KALRN: variants seen among roughly 807,000 people sequenced by gnomAD.
KALRN encodes kalirin.
Under a neutral mutation model 353.7 loss-of-function variants are expected in KALRN, and 70 were observed. The observed-to-expected ratio is 0.20, with a 90% CI of 0.16 to 0.24. The LOEUF (loss-of-function observed/expected upper bound fraction) is 0.24, where lower values mean the gene tolerates loss of function less well. Ranked by LOEUF, KALRN falls within the 10% of genes least tolerant of loss-of-function variation. The pLI, the probability that KALRN is intolerant of heterozygous loss-of-function variation, is 1.00. For synonymous variants in KALRN, 1,391 were observed against 1,434.8 expected (o/e 0.97, Z 0.69); for missense variants, 2,791 against 3,756.7 (o/e 0.74, Z 6.72).
intron 34 of KALRN, among the ~76,000 whole-genome samples, chr3:124,632,105 T>C (rs1375410785): frequency 6.6e-6 from 1 of 152,230 alleles, no homozygotes; most frequent in Non-Finnish European, 1.5e-5. Context: ...GTCATACTTT[T>C]CATTTTGCTT....
At chr3:124,349,548 A>G (rs1018802466) in intron 10 of KALRN, among the ~76,000 whole-genome samples, 1 of 152,172 alleles carries the variant, frequency 6.6e-6, no homozygotes, top group African/African-American at 2.4e-5. Context: ...AAAAGATTGG[A>G]CACCCCTGGT....
Position 124,413,632 on chromosome 3 carries a change from C to T in KALRN, c.2509C>T (p.Leu837=). Residue 837 remains leucine, a synonymous_variant, in exon 14 of 60, where the codon CTG becomes TTG. Coordinates refer to ENST00000682506, the MANE Select transcript of KALRN (RefSeq NM_001388419.1). ...TFEVIQQGQD[L]HQYITEVQAS... is the part of the protein sequence containing the mutation. ...TGAGGTTATCCAGCAGGGACAGGAT[C>T]TGCACCAGTACATCACGGAGGTCCA... is the stretch of plus-strand genomic sequence containing the variant. The T allele has an allele frequency of 6.2e-7, 1 of 1,614,148 alleles. No homozygotes were observed. Among genetic ancestry groups the T allele is most frequent in the Non-Finnish European group, 8.5e-7 (1 of 1,180,006 alleles).
At chr3:124,496,234 C>A in intron 32 of KALRN, 77 bp from the exon 33 acceptor site, 1 of 1,092,256 alleles carries the variant, frequency 9.2e-7, no homozygotes, top group Non-Finnish European at 1.4e-6. Context: ...CCCACCCAAC[C>A]GGAAATCCTT....
intron 59 of KALRN, among the ~76,000 whole-genome samples, chr3:124,718,521 G>A (rs2150841161): frequency 6.6e-6 from 1 of 152,268 alleles, no homozygotes; most frequent in South Asian, 2.1e-4. Flanking sequence ...GACATCTGGT[G>A]TGAGAGAAGG....
chr3:124,418,816 G>C (rs1434882740), intron 14 of KALRN, among the ~76,000 whole-genome samples: 1 of 152,164 alleles, frequency 6.6e-6, no homozygotes, highest in Non-Finnish European at 1.5e-5. Flanking sequence ...TTTTCCAGTG[G>C]TTCATAATCT....
At chr3:124,107,712 T>C (rs189260783) in intron 1 of KALRN, among the ~76,000 whole-genome samples, 84 of 152,218 alleles carry the variant, frequency 5.5e-4, no homozygotes, top group Non-Finnish European at 4.1e-4. Context: ...AGGCAGCACA[T>C]ACATAGCAGG....
Position 124,477,848 on chromosome 3 carries a change from A to G in KALRN, c.4191+514A>G, listed in dbSNP as rs529752940. Among the ~76,000 whole-genome samples the G allele has an allele frequency of 6.6e-5, 10 of 152,210 alleles. No individual in the cohort carries two copies. In the South Asian group the frequency reaches 1.9e-3, roughly 28 times the overall value. ...ATTCAACCTTTTTTGGAAAAAAAAA[A>G]CTGATATCTGAATCCCATGCCTGAG... On this transcript the variant is annotated intron_variant, in intron 27 of 59. Coordinates refer to ENST00000682506, the MANE Select transcript of KALRN (RefSeq NM_001388419.1).
At chr3:124,618,086 C>CTTTTTTTTTTTTTTTTTT (rs71145464) in intron 34 of KALRN, among the ~76,000 whole-genome samples, 3 of 63,336 alleles carry the variant, frequency 4.7e-5, no homozygotes, top group Non-Finnish European at 5.5e-5. Context: ...GTGCAGAAAT[C>CTTTTTTTTTTTTTTTTTT]TTTTTTTTTT....
chr3:124,531,332 G>C (rs914987684), intron 33 of KALRN, among the ~76,000 whole-genome samples: 12 of 152,090 alleles, frequency 7.9e-5, no homozygotes, highest in Admixed American at 2.6e-4. Context: ...TTTATATTTT[G>C]GCTTTAACTC....
chr3:124,395,618 G>C (rs2090064670), intron 12 of KALRN: 2 of 406,766 alleles, frequency 4.9e-6, no homozygotes, highest in Admixed American at 4.1e-5. Context: ...ATTAACAAAA[G>C]ACAAAAAAAA....
At chr3:124,273,309 A>G (rs2074360800) in intron 5 of KALRN, among the ~76,000 whole-genome samples, 2 of 152,176 alleles carry the variant, frequency 1.3e-5, no homozygotes, top group Admixed American at 6.5e-5. Flanking sequence ...TCATAAAGCA[A>G]GTCACTCATT....
chr3:124,462,906 A>C (rs1309176166), intron 25 of KALRN, among the ~76,000 whole-genome samples: 4 of 152,222 alleles, frequency 2.6e-5, no homozygotes, highest in Non-Finnish European at 5.9e-5. Context: ...GCTTTGAAGA[A>C]ATAAAAGTAG....
At chr3:124,607,176 A>G (rs2077433895) in intron 34 of KALRN, among the ~76,000 whole-genome samples, 1 of 152,246 alleles carries the variant, frequency 6.6e-6, no homozygotes, top group South Asian at 2.1e-4. Flanking sequence ...TAGGGGAATG[A>G]TTGTGGTATA....
At chr3:124,373,257 T>C (rs478131) in intron 10 of KALRN, among the ~76,000 whole-genome samples, 28,902 of 152,114 alleles carry the variant, frequency 0.19, 2,841 homozygotes, top group Middle Eastern at 0.23. Flanking sequence ...ATGGTGGTTC[T>C]CAACTGGAAG....
chr3:124,607,909 G>A (rs116835302), intron 34 of KALRN, among the ~76,000 whole-genome samples: 2,107 of 151,952 alleles, frequency 0.014, 52 homozygotes, highest in African/African-American at 0.047. Context: ...CTCCACAGCT[G>A]GTTCAGTTTT....
intron 36 of KALRN, 99 bp downstream of exon 36, chr3:124,634,052 A>G (rs2081082879): frequency 7.0e-6 from 6 of 858,540 alleles, no homozygotes; most frequent in Non-Finnish European, 1.1e-5. Context: ...CTCCCATGTT[A>G]TCTCGTCGTC....
chr3:124,061,333 A>G (rs1043567460), intron 1 of KALRN, among the ~76,000 whole-genome samples: 1 of 152,160 alleles, frequency 6.6e-6, no homozygotes, highest in Non-Finnish European at 1.5e-5. Flanking sequence ...TTTTCATAAT[A>G]ACTCCATTTT....
intron 34 of KALRN, among the ~76,000 whole-genome samples, chr3:124,596,480 AC>A (rs1180240413): frequency 2.8e-4 from 42 of 152,242 alleles, no homozygotes; most frequent in African/African-American, 8.7e-4. Flanking sequence ...AAACAAACAA[AC>A]AAAAAAACCC....
intron 6 of KALRN, among the ~76,000 whole-genome samples, chr3:124,320,324 C>A (rs1387389079): frequency 6.6e-6 from 1 of 152,162 alleles, no homozygotes; most frequent in East Asian, 1.9e-4. Context: ...GGTGATCACA[C>A]CTTTCATGTT....
Sources: allele counts gnomAD v4.1 joint callset (sites outside exome capture counted in the v4.1 genomes callset), GRCh38; gene constraint gnomAD v4.1.1; transcripts MANE v1.5; gene names NCBI Gene and HGNC (gene_info 2026-07-23, HGNC 2026-07-21).